RIPOR2: variants seen among roughly 807,000 people sequenced by gnomAD.
RIPOR2 encodes RHO family interacting cell polarization regulator 2.
Under a neutral mutation model 114.5 loss-of-function variants are expected in RIPOR2, and 39 were observed. The ratio of observed to expected loss-of-function variants is 0.34; its 90% CI spans 0.26 to 0.44. The LOEUF is 0.44. Among genes scored for constraint, RIPOR2 ranks in the 20% least tolerant of loss-of-function variants. The pLI is 1.00. For missense variants in RIPOR2, 1,007 were observed against 1,255.1 expected (o/e 0.80, Z 2.99); for synonymous variants, 445 against 484.4 (o/e 0.92, Z 1.07).
intron 1 of RIPOR2, among the ~76,000 whole-genome samples, chr6:24,952,984 A>T (rs1417935425): frequency 6.6e-6 from 1 of 152,190 alleles, no homozygotes; most frequent in Non-Finnish European, 1.5e-5. Flanking sequence ...CCCGAATTTC[A>T]TATATAGAAG....
chr6:24,922,681 G>A (rs534875620), intron 1 of RIPOR2, among the ~76,000 whole-genome samples: 127 of 151,672 alleles, frequency 8.4e-4, no homozygotes, highest in Admixed American at 3.0e-3. Context: ...CCAATGTGGT[G>A]AAACCCTGTC....
intron 19 of RIPOR2, among the ~76,000 whole-genome samples, chr6:24,824,298 T>C (rs550292605): frequency 3.5e-4 from 53 of 152,326 alleles, no homozygotes; most frequent in Middle Eastern, 3.4e-3. Flanking sequence ...AAGAACTACA[T>C]AGAGTTCACC....
chr6:24,992,110 T>C (rs1774847539), intron 1 of RIPOR2, among the ~76,000 whole-genome samples: 1 of 152,188 alleles, frequency 6.6e-6, no homozygotes, highest in Non-Finnish European at 1.5e-5. Flanking sequence ...TAAGAATCTG[T>C]GCACTGAGTT....
At chr6:24,992,857 C>T (rs1774884609) in intron 1 of RIPOR2, among the ~76,000 whole-genome samples, 1 of 152,086 alleles carries the variant, frequency 6.6e-6, no homozygotes, top group Non-Finnish European at 1.5e-5. Flanking sequence ...GGTACTGGTA[C>T]AAATCTGGAT....
At chr6:24,994,132 G>A (rs749724440) in intron 1 of RIPOR2, among the ~76,000 whole-genome samples, 2 of 152,110 alleles carry the variant, frequency 1.3e-5, no homozygotes, top group East Asian at 3.9e-4. Flanking sequence ...ATAGTAATTG[G>A]GAAACAGATA....
intron 1 of RIPOR2, among the ~76,000 whole-genome samples, chr6:25,033,308 T>C (rs1777087520): frequency 6.6e-6 from 1 of 152,244 alleles, no homozygotes; most frequent in Admixed American, 6.5e-5. Context: ...CATTGTTTAT[T>C]TGATGCTCAC....
At chr6:24,831,767 G>T (rs1323508579) in intron 16 of RIPOR2, among the ~76,000 whole-genome samples, 1 of 152,156 alleles carries the variant, frequency 6.6e-6, no homozygotes, top group South Asian at 2.1e-4. Flanking sequence ...AAATTCAAAG[G>T]CATCTTTCCC....
At chr6:24,824,427 C>A (rs993841580) in intron 19 of RIPOR2, among the ~76,000 whole-genome samples, 1 of 152,176 alleles carries the variant, frequency 6.6e-6, no homozygotes, top group African/African-American at 2.4e-5. Context: ...CAACATGGGA[C>A]CTTTTCAAGG....
upstream of RIPOR2, among the ~76,000 whole-genome samples, chr6:24,938,244 T>C (rs955223625): frequency 6.6e-6 from 1 of 151,970 alleles, no homozygotes; most frequent in South Asian, 2.1e-4. Flanking sequence ...GGGAGGATAG[T>C]ATGTGAAGAT....
At chr6:24,942,942 C>G (rs527841385) in intron 1 of RIPOR2, among the ~76,000 whole-genome samples, 1 of 152,288 alleles carries the variant, frequency 6.6e-6, no homozygotes, top group African/African-American at 2.4e-5. Flanking sequence ...TCAAATTTGG[C>G]TTTTGTTGCC....
At chr6:24,840,344 C>G (rs1761576223) in intron 13 of RIPOR2, 1 of 1,096,818 alleles carries the variant, frequency 9.1e-7, no homozygotes, top group Admixed American at 4.9e-5. Flanking sequence ...TCAAAGGGAA[C>G]AAGTCCCACC....
chr6:24,979,953 C>T (rs1298974685), intron 1 of RIPOR2, among the ~76,000 whole-genome samples: 1 of 152,150 alleles, frequency 6.6e-6, no homozygotes, highest in Non-Finnish European at 1.5e-5. Context: ...ATAAATTATA[C>T]TGCTGTAGGT....
chr6:25,012,805 A>G (rs184812770), intron 1 of RIPOR2, among the ~76,000 whole-genome samples: 14 of 152,310 alleles, frequency 9.2e-5, no homozygotes, highest in African/African-American at 3.4e-4. Context: ...TTGCAATTAG[A>G]TAGTGATGAT....
At chr6:24,935,445 C>T (rs1044995628) in intron 1 of RIPOR2, among the ~76,000 whole-genome samples, 1 of 151,860 alleles carries the variant, frequency 6.6e-6, no homozygotes, top group African/African-American at 2.4e-5. Flanking sequence ...TGAAAAACCA[C>T]TCCTGGTCCA....
chr6:25,011,645 G>C (rs1775778685), intron 1 of RIPOR2, among the ~76,000 whole-genome samples: 2 of 152,176 alleles, frequency 1.3e-5, no homozygotes, highest in Admixed American at 6.5e-5. Flanking sequence ...TAAAGCACAG[G>C]CTGGAGCATA....
rs116657318 is a variant in RIPOR2 at position 24,821,823 on chromosome 6, A to G, written c.2869-3198T>C. Among the ~76,000 whole-genome samples, 537 of 152,362 alleles carry G rather than the reference A, an allele frequency of 3.5e-3. 2 individuals carry two copies. Among genetic ancestry groups the G allele is most frequent in the African/African-American group, 0.012 (499 of 41,592 alleles). Reference sequence around the variant, plus strand: ...AAAGCTACCATTTCCAGAGGTGGATATACACCAAGGTCATCTTTAGCATTT... The same window carrying G: ...AAAGCTACCATTTCCAGAGGTGGATGTACACCAAGGTCATCTTTAGCATTT... On this transcript the variant is annotated intron_variant, in intron 19 of 21. Transcript: ENST00000643898.
At chr6:24,875,585 C>CA in intron 2 of RIPOR2, 106 bp downstream of exon 2, 1 of 998,068 alleles carries the variant, frequency 1.0e-6, no homozygotes, top group Non-Finnish European at 1.5e-6. Context: ...GGGGAGGAGG[C>CA]CGGGGGGCGG....
intron 1 of RIPOR2, among the ~76,000 whole-genome samples, chr6:24,926,053 G>C (rs1362631193): frequency 6.6e-6 from 1 of 152,030 alleles, no homozygotes; most frequent in African/African-American, 2.4e-5. Flanking sequence ...CCACTAGAGG[G>C]AACATTGTAG....
At chr6:24,936,216 C>G (rs1343486435), upstream of RIPOR2, among the ~76,000 whole-genome samples, 1 of 152,242 alleles carries the variant, frequency 6.6e-6, no homozygotes, top group African/African-American at 2.4e-5. Context: ...CAACAACTTT[C>G]ATATTTCCTT....
Sources: gnomAD v4.1 joint callset for allele counts (sites outside exome capture counted in the v4.1 genomes callset) on GRCh38, gnomAD v4.1.1 for gene constraint, MANE v1.5 for transcripts, NCBI Gene and HGNC (gene_info 2026-07-23, HGNC 2026-07-21) for gene names.